UXS1: variants seen among roughly 807,000 people sequenced by gnomAD.
UXS1 encodes UDP-glucuronic acid decarboxylase 1.
UXS1 carries 33 observed loss-of-function variants against 62.6 expected under a neutral mutation model. The observed-to-expected ratio is 0.53, with a 90% CI of 0.40 to 0.70. The LOEUF (loss-of-function observed/expected upper bound fraction) is 0.70, where lower values mean the gene tolerates loss of function less well. UXS1 is among the 30% of genes least tolerant of loss of function. The pLI, the probability that UXS1 is intolerant of heterozygous loss-of-function variation, is 0.00. For synonymous variants in UXS1, 213 were observed against 206.8 expected, an observed-to-expected ratio of 1.03 and a Z score of -0.26; for missense variants, 434 against 556.3, an observed-to-expected ratio of 0.78 and a Z score of 2.21.
At chr2:106,160,025 C>T (rs1409678875) in intron 4 of UXS1, 1 of 152,216 alleles carries the variant, frequency 6.6e-6, no homozygotes, top group Non-Finnish European at 1.5e-5. Flanking sequence ...GTACTTGCCG[C>T]CCATAGGAAG....
intron 6 of UXS1, among the ~76,000 whole-genome samples, chr2:106,131,607 C>T (rs1680481928): frequency 9.7e-4 from 1 of 1,036 alleles, no homozygotes; most frequent in South Asian, 0.012. Context: ...CCCTGACCCC[C>T]GAGCAGCCTA....
intron 14 of UXS1, 37 bp downstream of exon 14, chr2:106,096,681 C>T: frequency 6.6e-7 from 1 of 1,515,680 alleles, no homozygotes. Flanking sequence ...CACGGGAGGC[C>T]CCTCCCCACA....
rs1365071485 is a variant in UXS1, at chr2:106,093,907, A to G, written c.*119T>C. On this transcript the variant is annotated 3_prime_UTR_variant, in exon 15 of 15. Transcript: ENST00000283148. ...TCATTAAAGCAAGCTTCAGAATGAA[A>G]TTCCAGTTTGTTCTTCATGACACCT... 7.5e-6 allele frequency: 10 copies of G among 1,329,486 alleles called. No homozygotes were observed. The highest frequency in any genetic ancestry group is 9.9e-6 in the Non-Finnish European group (10 of 1,012,326). 82.4% of individuals were successfully genotyped at this position (1,329,486 alleles called of 1,614,324 possible).
At chr2:106,098,843 C>T (rs1677344352) in intron 12 of UXS1, 70 bp from the exon 13 acceptor site, 8 of 1,432,974 alleles carry the variant, frequency 5.6e-6, no homozygotes, top group Admixed American at 1.9e-5. Flanking sequence ...AGACCACAGG[C>T]GTGTCTGCAG....
chr2:106,157,704 T>A (rs1017526281), intron 5 of UXS1, among the ~76,000 whole-genome samples: 1 of 152,122 alleles, frequency 6.6e-6, no homozygotes, highest in Non-Finnish European at 1.5e-5. Context: ...AGGAATGAAG[T>A]GTACTGATTG....
At chr2:106,183,700 C>A in intron 1 of UXS1, 1 of 152,326 alleles carries the variant, frequency 6.6e-6, no homozygotes. Flanking sequence ...ACACCCACAC[C>A]TTTTTTCCCT....
chr2:106,167,964 C>A (rs1479192113), intron 1 of UXS1, among the ~76,000 whole-genome samples: 2 of 152,160 alleles, frequency 1.3e-5, no homozygotes, highest in Non-Finnish European at 2.9e-5. Context: ...GAGTTCAAGA[C>A]CAGCCTAACC....
chr2:106,180,752 G>A (rs1684189921), intron 1 of UXS1, among the ~76,000 whole-genome samples: 1 of 152,148 alleles, frequency 6.6e-6, no homozygotes, highest in Admixed American at 6.5e-5. Flanking sequence ...AAAAATTCCA[G>A]ACCACTTCTG....
chr2:106,109,206 C>T (rs1034161000), intron 10 of UXS1, among the ~76,000 whole-genome samples: 8 of 152,056 alleles, frequency 5.3e-5, no homozygotes, highest in African/African-American at 7.2e-5. Context: ...TGCAGTGATC[C>T]GTATTCCTGT....
chr2:106,154,782 T>C (rs925026529), intron 5 of UXS1, among the ~76,000 whole-genome samples: 1 of 152,242 alleles, frequency 6.6e-6, no homozygotes, highest in Non-Finnish European at 1.5e-5. Context: ...TATGATTAAC[T>C]GCTGGCTCAT....
chr2:106,118,282 G>A (rs1214927953), intron 9 of UXS1, among the ~76,000 whole-genome samples: 1 of 150,984 alleles, frequency 6.6e-6, no homozygotes, highest in East Asian at 1.9e-4. Context: ...TTTTTCAAAA[G>A]TACTTTGATG....
rs551698438 is a variant in UXS1 at position 106,143,833 on chromosome 2, T to C, written c.472+1357A>G. On this transcript the variant is annotated intron_variant, in intron 6 of 14. Coordinates refer to ENST00000283148, the MANE Select transcript of UXS1 (RefSeq NM_001253875.2). ...AGGGTAGGTCAGGTCCCTTGCACAC[T>C]GCAAACCTCTCCAGCTTCCCTTCTG... 2.9e-4 allele frequency among the ~76,000 whole-genome samples: 44 copies of C among 152,312 alleles called. 3 individuals are homozygous for C. In the South Asian group the frequency reaches 8.7e-3, roughly 30 times the overall value.
At chr2:106,097,105 CACT>C (rs1677180670) in intron 13 of UXS1, 3 of 546,588 alleles carry the variant, frequency 5.5e-6, no homozygotes, top group African/African-American at 1.9e-5. Flanking sequence ...AGTTACCGCC[CACT>C]ACAAGAGGGT....
chr2:106,123,831 T>C (rs989308065), intron 8 of UXS1, among the ~76,000 whole-genome samples: 2 of 152,222 alleles, frequency 1.3e-5, no homozygotes, highest in Non-Finnish European at 2.9e-5. Flanking sequence ...AGTACAACTA[T>C]GATATAAAAT....
chr2:106,138,763 C>CCT, intron 6 of UXS1: 1 of 985,496 alleles, frequency 1.0e-6, no homozygotes, highest in Non-Finnish European at 1.2e-6. Flanking sequence ...GGCACTGCTG[C>CCT]ATCCTCCCAT....
intron 5 of UXS1, 102 bp downstream of exon 5, chr2:106,157,956 C>A (rs1259355070): frequency 1.9e-6 from 2 of 1,039,414 alleles, no homozygotes; most frequent in African/African-American, 1.6e-5. Flanking sequence ...GCCACTGAAT[C>A]GTATCTTTGA....
At position 106,143,870 on chromosome 2, in the gene UXS1, C is replaced by G. The variant is rs62143974; in HGVS notation, c.472+1320G>C. ...CAGCTTCCCTTCTGCCTGGTCTCCC[C>G]GCGGTATCTCTTCTACCCAGTCTCT... On this transcript the variant is annotated intron_variant, in intron 6 of 14. Transcript: ENST00000283148. 5.8e-3 allele frequency among the ~76,000 whole-genome samples: 877 copies of G among 152,312 alleles called. 3 individuals carry two copies. Among genetic ancestry groups the G allele is most frequent in the Non-Finnish European group, 0.01 (690 of 68,026 alleles).
chr2:106,159,969 G>C (rs1682759671), intron 4 of UXS1: 1 of 152,184 alleles, frequency 6.6e-6, no homozygotes, highest in African/African-American at 2.4e-5. Flanking sequence ...GAGGGCAAGG[G>C]TGGGAACCCT....
intron 6 of UXS1, among the ~76,000 whole-genome samples, chr2:106,139,610 C>T (rs993917775): frequency 2.0e-5 from 3 of 152,172 alleles, no homozygotes; most frequent in African/African-American, 4.8e-5. Flanking sequence ...TCGGAGAAAT[C>T]GACATTTTCT....
Sources: allele counts gnomAD v4.1 joint callset (sites outside exome capture counted in the v4.1 genomes callset), GRCh38; gene constraint gnomAD v4.1.1; transcripts MANE v1.5; gene names NCBI Gene and HGNC (gene_info 2026-07-23, HGNC 2026-07-21).